Variants in VSIG10L observed in about 807,000 individuals in gnomAD.
The protein encoded by VSIG10L is V-set and immunoglobulin domain containing 10 like.
In VSIG10L, 63 loss-of-function variants were observed where a neutral mutation model predicts 67.3. That is an observed-to-expected ratio of 0.94 (90% CI 0.76 to 1.15). The LOEUF is 1.15. Ranked by LOEUF, VSIG10L falls within the 50% of genes most tolerant of loss-of-function variation. The pLI is 0.00. For synonymous variants in VSIG10L, 499 were observed against 524.9 expected, an observed-to-expected ratio of 0.95 and a Z score of 0.67; for missense variants, 1,050 against 1,177.5, an observed-to-expected ratio of 0.89 and a Z score of 1.58.
At chr19:51,339,172 G>A (rs1985562241) in intron 4 of VSIG10L, 30 bp from the exon 5 acceptor site, 2 of 1,272,034 alleles carry the variant, frequency 1.6e-6, no homozygotes, top group Non-Finnish European at 1.0e-6. Context: ...AATGAAGATG[G>A]AGTCCCTTTC....
intron 5 of VSIG10L, 101 bp downstream of exon 5, chr19:51,338,787 G>A (rs1019139756): frequency 1.8e-4 from 226 of 1,253,516 alleles, no homozygotes; most frequent in Non-Finnish European, 2.2e-4. Context: ...CTCTTTCTTG[G>A]ACTAAGGACG....
Position 51,340,042 on chromosome 19 carries a change from G to C in VSIG10L, c.1447C>G (p.Arg483Gly). 1 of 1,419,708 alleles carries C rather than the reference G, an allele frequency of 7.0e-7. No homozygotes were observed. Among genetic ancestry groups the C allele is most frequent in the Non-Finnish European group, 9.2e-7 (1 of 1,087,492 alleles). 87.9% of individuals were successfully genotyped at this position (1,419,708 alleles called of 1,614,324 possible). The stretch of plus-strand genomic sequence containing the variant: ...GCCACTGTAAGGTTGAGCAGCGAGC[G>C]GCGGCGGCGGCCGGTACGCGGGTTC... ...AANPRTGRRR[R>G]SLLNLTVADL... The change falls in exon 4 of 10, where the codon CGC becomes GGC. Residue 483 changes from arginine to glycine, a missense_variant. Arg to Gly is a moderately radical substitution (Grantham distance 125). Around this residue, in one of 3 missense-constraint regions of VSIG10L, gnomAD observed 529 missense variants for 584.9 expected, o/e 0.90. Transcript: ENST00000335624. This position sits in a 1 kb window ranked among gnomAD's most constrained non-coding sequence, Gnocchi z 6.3.
chr19:51,341,011 A>T, intron 2 of VSIG10L, 142 bp downstream of exon 2: 1 of 1,254,792 alleles, frequency 8.0e-7, no homozygotes, highest in Non-Finnish European at 1.0e-6. Flanking sequence ...CCCTGCCTTG[A>T]CCTCTAGCTC....
rs1274454946 is a variant in VSIG10L at position 51,337,952 on chromosome 19, G to T, written c.1986C>A (p.Gly662=). 1.3e-6 allele frequency: 2 copies of T among 1,550,378 alleles called. No homozygotes were observed. The highest frequency in any genetic ancestry group is 1.7e-6 in the Non-Finnish European group (2 of 1,146,372). Residue 662 remains glycine (G), a synonymous_variant, in exon 6 of 10, where the codon GGC becomes GGA. Transcript: ENST00000335624. ...SVLCSGALGA[G]GDQITLIGPS... ...CACCAATGAGGGTGATCTGGTCACC[G>T]CCAGCACCCAGCGCCCCACTGCACA...
At position 51,334,303 on chromosome 19, in the gene VSIG10L, G is replaced by T. The variant is rs745634365; in HGVS notation, c.2307C>A (p.Gly769=). The T allele has an allele frequency of 1.3e-6, 2 of 1,550,642 alleles. No homozygotes were observed. Among genetic ancestry groups the T allele is most frequent in the African/African-American group, 2.7e-5 (2 of 72,998 alleles). ...TPSQSRVYRA[G]PTLSHGAIAG... is the part of the protein sequence containing the mutation. ...CGATGGCCCCATGGCTCAACGTGGG[G>T]CCTGGAAGAGACAAAGAGAAGAAAG... Residue 769 remains glycine (G), a splice_region_variant and synonymous_variant, in exon 8 of 10, where the codon GGC becomes GGA. Transcript: ENST00000335624.
chr19:51,339,658 C>G (rs748487354), intron 4 of VSIG10L: 20 of 230,010 alleles, frequency 8.7e-5, no homozygotes, highest in Admixed American at 2.9e-4. Flanking sequence ...AACTCCCACT[C>G]TTTGCCATTT....
At position 51,340,271 on chromosome 19, in the gene VSIG10L, G is replaced by C. The variant is rs1267380503; in HGVS notation, c.1218C>G (p.Val406=). 3.3e-6 allele frequency: 5 copies of C among 1,519,206 alleles called. No homozygotes were observed. The African/African-American group carries it at 7.1e-5, about 22-fold the overall frequency. The allele number at this position is 1,519,206 out of a possible 1,614,324, so 94.1% of individuals were successfully genotyped here. A position where few individuals can be genotyped will look rare whatever the true frequency, so the allele number is the denominator to read the frequency against. ...CAGGCGCGGCGTCGCGGTCCGAGGAGACCGTGATGGTCGGCGGGTCCGGGC... is the reference window on the plus strand; with the variant it reads ...CAGGCGCGGCGTCGCGGTCCGAGGACACCGTGATGGTCGGCGGGTCCGGGC... ...FYGPDPPTIT[V]SSDRDAAPAR... Residue 406 remains valine (V), a synonymous_variant, in exon 4 of 10, where the codon GTC becomes GTG. Transcript: ENST00000335624. This position sits in a 1 kb window ranked among gnomAD's most constrained non-coding sequence, Gnocchi z 6.3.
chr19:51,337,206 A>C, intron 7 of VSIG10L, 32 bp downstream of exon 7: 1 of 1,520,050 alleles, frequency 6.6e-7, no homozygotes. Context: ...CTGGCACAAC[A>C]GAGAAGGTCT....
In VSIG10L at chr19:51,334,194, G is replaced by T. The variant is rs181926303; in HGVS notation, c.2416C>A (p.Arg806Ser). Residue 806 changes from arginine (R) to serine (S), a missense_variant, in exon 8 of 10, where the codon CGT becomes AGT. This residue lies in a region of VSIG10L where 529 missense variants were observed against 584.9 expected (regional missense o/e 0.90). Coordinates refer to ENST00000335624, the MANE Select transcript of VSIG10L (RefSeq NM_001163922.3). ...LLCICCLCRF[R>S]GKTPEKKKHP... Reference sequence around the variant, plus strand: ...CTTCCCCAGTCCCCTTGCTCACCACGAAAGCGGCACAGGCAGCAGATGCAA... The same window carrying T: ...CTTCCCCAGTCCCCTTGCTCACCACTAAAGCGGCACAGGCAGCAGATGCAA... The T allele has an allele frequency of 6.4e-6, 10 of 1,551,794 alleles. No homozygotes were observed.
rs1277722014 is a variant in VSIG10L, at chr19:51,332,525, G to T, written c.*86C>A. Reference sequence around the variant, plus strand: ...GGCTGCTGCTGGAGTGAAATAGGAAGTTCTGGCCCAAAACGCCCTGTGCAG... The same window carrying T: ...GGCTGCTGCTGGAGTGAAATAGGAATTTCTGGCCCAAAACGCCCTGTGCAG... On this transcript the variant is annotated 3_prime_UTR_variant, in exon 10 of 10. Transcript: ENST00000335624. The T allele has an allele frequency of 2.0e-6, 3 of 1,485,918 alleles. No individual in the cohort carries two copies. In the South Asian group the frequency reaches 3.6e-5, roughly 18 times the overall value. 92.0% of individuals were successfully genotyped at this position (1,485,918 alleles called of 1,614,324 possible). A position where few individuals can be genotyped will look rare whatever the true frequency, so the allele number is the denominator to read the frequency against.
intron 4 of VSIG10L, 134 bp from the exon 5 acceptor site, chr19:51,339,276 C>A: frequency 1.0e-6 from 1 of 976,970 alleles, no homozygotes; most frequent in South Asian, 5.1e-5. Context: ...ACTTTTCCTG[C>A]GATCCCGTTC....
rs1985607194 is a variant in VSIG10L at position 51,340,520 on chromosome 19, G to C, written c.1102C>G (p.Pro368Ala). 2.6e-6 allele frequency: 4 copies of C among 1,533,952 alleles called. No individual in the cohort carries two copies. Among genetic ancestry groups the C allele is most frequent in the Non-Finnish European group, 2.6e-6 (3 of 1,144,896 alleles). ...SEGDQLLIVRPVRSDHARYTC... is the reference protein window; with the variant it reads ...SEGDQLLIVRAVRSDHARYTC... ...TACCGGGCGTGGTCGCTGCGCACAG[G>C]GCGCACGATGAGCAGCTGGTCGCCC... Residue 368 changes from proline to alanine, a missense_variant, in exon 3 of 10, where the codon CCT becomes GCT. Around this residue, in one of 3 missense-constraint regions of VSIG10L, gnomAD observed 511 missense variants for 557.9 expected, o/e 0.92. Coordinates refer to ENST00000335624, the MANE Select transcript of VSIG10L (RefSeq NM_001163922.3). The surrounding 1 kb of genome is among the most constrained non-coding windows in gnomAD (Gnocchi z 6.3).
Position 51,342,001 on chromosome 19 carries a change from A to C in VSIG10L, c.47T>G (p.Leu16Trp). 1 of 1,551,682 alleles carries C rather than the reference A, an allele frequency of 6.4e-7. No individual in the cohort carries two copies. The change falls in exon 2 of 10, where the codon TTG becomes TGG. Residue 16 changes from leucine to tryptophan, a missense_variant. This residue lies in a region of VSIG10L where 511 missense variants were observed against 557.9 expected (regional missense o/e 0.92). Transcript: ENST00000335624. The surrounding 1 kb of genome is among the most constrained non-coding windows in gnomAD (Gnocchi z 4.4). ...GGCTCTGAGGGTGAGGATCCCTACCAAGGAGGCTGCAGAGAAGAGAGGAAG... is the reference window on the plus strand; with the variant it reads ...GGCTCTGAGGGTGAGGATCCCTACCCAGGAGGCTGCAGAGAAGAGAGGAAG... ...ALPLFLLLAS[L>W]VGILTLRASS...
Position 51,341,493 on chromosome 19 carries a change from G to C in VSIG10L, c.555C>G (p.Thr185=). 1.3e-6 allele frequency: 2 copies of C among 1,550,672 alleles called. No homozygotes were observed. Among genetic ancestry groups the C allele is most frequent in the South Asian group, 2.4e-5 (2 of 83,926 alleles). The change falls in exon 2 of 10, where the codon ACC becomes ACG. Residue 185 remains threonine, a synonymous_variant. Transcript: ENST00000335624. ...QSPESKFSAE[T]HSAASFPQQV... ...GCTGGGGAAAGCTTGCAGCTGAGTG[G>C]GTCTCTGCAGAAAATTTGGATTCAG...
chr19:51,340,156 G>T lies in VSIG10L; in HGVS notation c.1333C>A (p.Pro445Thr), dbSNP rs1159850506. 3 of 1,371,630 alleles carry T rather than the reference G, an allele frequency of 2.2e-6. No homozygotes were observed. The African/African-American group carries it at 4.5e-5, about 21-fold the overall frequency. 85.0% of individuals were successfully genotyped at this position (1,371,630 alleles called of 1,614,324 possible). Residue 445 changes from proline (P) to threonine (T), a missense_variant, in exon 4 of 10, where the codon CCG becomes ACG. Physicochemically the swap from Pro to Thr is conservative, Grantham distance 38 (BLOSUM62 -1). Around this residue, in one of 3 missense-constraint regions of VSIG10L, gnomAD observed 10 missense variants for 34.7 expected, o/e 0.29. Transcript: ENST00000335624. This position sits in a 1 kb window ranked among gnomAD's most constrained non-coding sequence, Gnocchi z 6.3. The part of the protein sequence containing the change: ...PADITWSLAD[P>T]AEAAVPAGSR... Reference sequence around the variant, plus strand: ...CCCGCGGGCACCGCGGCCTCGGCCGGGTCCGCCAGGCTCCACGTGATGTCG... The same window carrying T: ...CCCGCGGGCACCGCGGCCTCGGCCGTGTCCGCCAGGCTCCACGTGATGTCG...
At position 51,334,288 on chromosome 19, in the gene VSIG10L, A is replaced by G. The variant is rs1985430796; in HGVS notation, c.2322T>C (p.His774=). 3 of 1,551,620 alleles carry G rather than the reference A, an allele frequency of 1.9e-6. No individual in the cohort carries two copies. The change falls in exon 8 of 10, where the codon CAT becomes CAC. Residue 774 remains histidine (H), a synonymous_variant. Coordinates refer to ENST00000335624, the MANE Select transcript of VSIG10L (RefSeq NM_001163922.3). The stretch of plus-strand genomic sequence containing the variant: ...CCAGGACGATGCCAGCGATGGCCCC[A>G]TGGCTCAACGTGGGGCCTGGAAGAG... ...RVYRAGPTLS[H]GAIAGIVLGS...
chr19:51,335,927 C>G (rs2063352182), intron 7 of VSIG10L, among the ~76,000 whole-genome samples: 1 of 152,102 alleles, frequency 6.6e-6, no homozygotes, highest in Admixed American at 6.5e-5. Context: ...CCCACCTCCC[C>G]AAAAAGTGAA....
At position 51,332,181 on chromosome 19, in the gene VSIG10L, T is replaced by G; in HGVS notation, c.*430A>C. 3.8e-6 allele frequency: 1 copy of G among 266,148 alleles called. No homozygotes were observed. Among genetic ancestry groups the G allele is most frequent in the South Asian group, 3.8e-5 (1 of 26,574 alleles). The allele number at this position is 266,148 out of a possible 1,614,324, so 16.5% of individuals were successfully genotyped here. On this transcript the variant is annotated 3_prime_UTR_variant, in exon 10 of 10. Coordinates refer to ENST00000335624, the MANE Select transcript of VSIG10L (RefSeq NM_001163922.3). ...GAAGCGTTTAAAGAGAAGAGTGACA[T>G]GATCTGATCTGTTTTAAGATGAAGA...
chr19:51,340,428 C>T lies in VSIG10L; in HGVS notation c.1189+5G>A, dbSNP rs1985603205. On this transcript the variant is annotated splice_donor_5th_base_variant and intron_variant, in intron 3 of 9. Coordinates refer to ENST00000335624, the MANE Select transcript of VSIG10L (RefSeq NM_001163922.3). This position sits in a 1 kb window ranked among gnomAD's most constrained non-coding sequence, Gnocchi z 6.3. The stretch of plus-strand genomic sequence containing the variant: ...TGTCCCCGACCCGAGGCATCCCCCA[C>T]TCACAGAAGACGCTGACGTCGGCGG... 3 of 1,481,968 alleles carry T rather than the reference C, an allele frequency of 2.0e-6. No homozygotes were observed. Among genetic ancestry groups the T allele is most frequent in the East Asian group, 5.1e-5 (2 of 39,364 alleles). The allele number at this position is 1,481,968 out of a possible 1,614,324, so 91.8% of individuals were successfully genotyped here.
Sources: gnomAD v4.1 joint callset for allele counts (sites outside exome capture counted in the v4.1 genomes callset) on GRCh38, gnomAD v4.1.1 for gene constraint, gnomAD v4.1.1 regional missense constraint, Gnocchi (gnomAD v3.1) non-coding constraint, MANE v1.5 for transcripts, NCBI Gene and HGNC (gene_info 2026-07-23, HGNC 2026-07-21) for gene names.